Variants in CATIP observed in about 807,000 individuals in gnomAD.
The protein encoded by CATIP is ciliogenesis associated TTC17 interacting protein.
CATIP carries 40 observed loss-of-function variants against 42.5 expected under a neutral mutation model. The ratio of observed to expected loss-of-function variants is 0.94; its 90% CI spans 0.73 to 1.22. The LOEUF (loss-of-function observed/expected upper bound fraction) is 1.22. Among genes scored for constraint, CATIP ranks in the 50% most tolerant of loss-of-function variants. The pLI, the probability that CATIP is intolerant of heterozygous loss-of-function variation, is 0.00. For missense variants in CATIP, 489 were observed against 496.0 expected, an observed-to-expected ratio of 0.99 and a Z score of 0.13; for synonymous variants, 222 against 200.2, an observed-to-expected ratio of 1.11 and a Z score of -0.92.
chr2:218,364,637 G>A lies in CATIP; in HGVS notation c.640G>A (p.Gly214Ser). The stretch of plus-strand genomic sequence containing the variant: ...TTTTGGCTGTTGCCAGCAAAACCTG[G>A]GCTTCCAGACCATCCAGGTAGACCA... The part of the protein sequence containing the change: ...KLCYLTYQNL[G>S]FQTIQVDHQQ... Residue 214 changes from glycine to serine, a missense_variant, in exon 7 of 10, where the codon GGC becomes AGC. Coordinates refer to ENST00000289388, the MANE Select transcript of CATIP (RefSeq NM_198559.2). 4.3e-6 allele frequency: 7 copies of A among 1,613,592 alleles called. No homozygotes were observed. Among genetic ancestry groups the A allele is most frequent in the Non-Finnish European group, 5.9e-6 (7 of 1,179,746 alleles).
At position 218,357,156 on chromosome 2, in the gene CATIP, T is replaced by C. The variant is rs748476248; in HGVS notation, c.87T>C (p.Asn29=). ...AGTGTCTGCCACTCCCAGAGGCCAA[T>C]GCTGAAGCCATCGACTTCCTCAGCT... ...GPECLPLPEA[N]AEAIDFLSSL... is the part of the protein sequence containing the mutation. Residue 29 remains asparagine, a synonymous_variant, in exon 2 of 10, where the codon AAT becomes AAC. Coordinates refer to ENST00000289388, the MANE Select transcript of CATIP (RefSeq NM_198559.2). The C allele has an allele frequency of 6.2e-7, 1 of 1,613,896 alleles. No individual in the cohort carries two copies.
At chr2:218,365,027 G>A (rs1346893324) in intron 7 of CATIP, among the ~76,000 whole-genome samples, 1 of 152,184 alleles carries the variant, frequency 6.6e-6, no homozygotes, top group African/African-American at 2.4e-5. Flanking sequence ...ACCAAGGTCT[G>A]AATGACTGCA....
At chr2:218,361,115 G>A (rs1019067296) in intron 5 of CATIP, among the ~76,000 whole-genome samples, 3 of 152,072 alleles carry the variant, frequency 2.0e-5, no homozygotes, top group Admixed American at 2.0e-4. Context: ...ACAGGCGTGA[G>A]CCACCACGCC....
rs144662667 is a variant in CATIP, at chr2:218,357,592, C to T, written c.177C>T (p.Thr59=). Residue 59 remains threonine, a synonymous_variant, in exon 3 of 10, where the codon ACC becomes ACT. Transcript: ENST00000289388. ...AGACGCTGGCCATGGTCTCAGACAC[C>T]GGGGAGCCTCAGGGAGAGCTGACCA... ...FSETLAMVSD[T]GEPQGELTIE... is the part of the protein sequence containing the mutation. The T allele has an allele frequency of 3.5e-4, 558 of 1,613,892 alleles. 2 individuals are homozygous for T. The highest frequency in any genetic ancestry group is 4.2e-4 in the Non-Finnish European group (500 of 1,179,972).
At position 218,360,554 on chromosome 2, in the gene CATIP, C is replaced by CGCATG. The variant is rs1695197842; in HGVS notation, c.376-18_376-14dup. 1 of 1,605,448 alleles carries CGCATG rather than the reference C, an allele frequency of 6.2e-7. No individual in the cohort carries two copies. The highest frequency in any genetic ancestry group is 8.5e-7 in the Non-Finnish European group (1 of 1,172,916). ...ACCCAGGGAGTCCCTGATCCTCCCC[C>CGCATG]GCATGCTCTGGCCCTCAGTTCCTCA... On this transcript the variant is annotated intron_variant, in intron 4 of 9. Transcript: ENST00000289388.
chr2:218,366,865 T>C, intron 7 of CATIP, 159 bp from the exon 8 acceptor site: 1 of 670,000 alleles, frequency 1.5e-6, no homozygotes, highest in Non-Finnish European at 2.7e-6. Context: ...ACTAATCCTA[T>C]CTGATTCGGG....
Position 218,357,682 on chromosome 2 carries a change from T to C in CATIP, c.267T>C (p.His89=), listed in dbSNP as rs371891084. 58 of 1,613,982 alleles carry C rather than the reference T, an allele frequency of 3.6e-5. No individual in the cohort carries two copies. The highest frequency in any genetic ancestry group is 1.6e-4 in the Middle Eastern group (1 of 6,072). Residue 89 remains histidine (H), a synonymous_variant, in exon 3 of 10, where the codon CAT becomes CAC. Transcript: ENST00000289388. ...TGCTGACATACTGCCTCTTCGTGCA[T>C]GCCTCTAGCCGAGGCTTCTTGGACA... is the stretch of plus-strand genomic sequence containing the variant. ...LGMLTYCLFV[H]ASSRGFLDKM...
At chr2:218,363,812 AAAAT>A (rs1245406886) in intron 6 of CATIP, among the ~76,000 whole-genome samples, 2 of 152,234 alleles carry the variant, frequency 1.3e-5, no homozygotes, top group Non-Finnish European at 2.9e-5. Context: ...CTGTCTCAAA[AAAAT>A]AAATAAATAA....
At chr2:218,367,392 G>C in intron 8 of CATIP, 38 bp from the exon 9 acceptor site, 2 of 1,581,714 alleles carry the variant, frequency 1.3e-6, no homozygotes, top group Non-Finnish European at 1.7e-6. Context: ...GGAAGGTTCC[G>C]GGGTAGGGAC....
intron 4 of CATIP, 63 bp from the exon 5 acceptor site, chr2:218,360,510 G>T (rs1421594596): frequency 1.8e-5 from 23 of 1,257,928 alleles, no homozygotes; most frequent in Non-Finnish European, 2.3e-5. Context: ...ATGGAGAAGG[G>T]TCAGGTGACC....
At chr2:218,360,543 T>C in intron 4 of CATIP, 30 bp from the exon 5 acceptor site, 2 of 1,568,016 alleles carry the variant, frequency 1.3e-6, no homozygotes, top group Non-Finnish European at 8.8e-7. Context: ...AGGGAGTCCC[T>C]GATCCTCCCC....
At chr2:218,366,993 T>C in intron 7 of CATIP, 31 bp from the exon 8 acceptor site, 1 of 1,569,280 alleles carries the variant, frequency 6.4e-7, no homozygotes, top group Non-Finnish European at 8.8e-7. Context: ...CTGGGAAGAT[T>C]CTCACTCTCA....
intron 4 of CATIP, 99 bp downstream of exon 4, chr2:218,358,191 T>C: frequency 1.1e-6 from 1 of 898,570 alleles, no homozygotes; most frequent in Non-Finnish European, 1.8e-6. Context: ...ACCTATTACA[T>C]ACACAGTGAA....
rs776055492 is a variant in CATIP, at chr2:218,367,823, G to A, written c.1023G>A (p.Glu341=). The change falls in exon 10 of 10, where the codon GAG becomes GAA. Residue 341 remains glutamate, a synonymous_variant. Transcript: ENST00000289388. ...FLLFLLLRQP[E]DVVTFAAEFF... is the part of the protein sequence containing the mutation. ...TCTTCCTGCTGCTGCGCCAGCCGGA[G>A]GACGTGGTCACCTTCGCCGCCGAGT... The A allele has an allele frequency of 3.1e-6, 5 of 1,613,154 alleles. No homozygotes were observed. Among genetic ancestry groups the A allele is most frequent in the South Asian group, 2.2e-5 (2 of 91,086 alleles).
chr2:218,358,903 A>G (rs986647015), intron 4 of CATIP, among the ~76,000 whole-genome samples: 2 of 151,392 alleles, frequency 1.3e-5, no homozygotes, highest in African/African-American at 2.4e-5. Context: ...AAAAAAAGAA[A>G]AAAGAAGAAA....
chr2:218,364,165 T>C (rs1157116009), intron 6 of CATIP, among the ~76,000 whole-genome samples: 2 of 152,184 alleles, frequency 1.3e-5, no homozygotes, highest in African/African-American at 2.4e-5. Context: ...CTTTGAAACA[T>C]GTGTTTAACA....
intron 5 of CATIP, among the ~76,000 whole-genome samples, chr2:218,361,516 T>G (rs914652521): frequency 6.6e-6 from 1 of 152,138 alleles, no homozygotes; most frequent in Non-Finnish European, 1.5e-5. Flanking sequence ...ATTTACATGC[T>G]ATGGGGGTTA....
chr2:218,359,459 T>A (rs538768851), intron 4 of CATIP, among the ~76,000 whole-genome samples: 4 of 151,830 alleles, frequency 2.6e-5, no homozygotes, highest in Admixed American at 1.3e-4. Flanking sequence ...ACAAGTTAAT[T>A]AAGTGGCTGG....
At chr2:218,357,259 GTCTCTCTCTCTCTC>G (rs144807145) in intron 2 of CATIP, 72 bp downstream of exon 2, 15 of 607,618 alleles carry the variant, frequency 2.5e-5, no homozygotes, top group Non-Finnish European at 3.9e-5. Context: ...AGAAAGTCCA[GTCTCTCTCTCTCTC>G]TCTCTCTCTC....
Sources: allele counts gnomAD v4.1 joint callset (sites outside exome capture counted in the v4.1 genomes callset), GRCh38; gene constraint gnomAD v4.1.1; transcripts MANE v1.5; gene names NCBI Gene and HGNC (gene_info 2026-07-23, HGNC 2026-07-21).